ATP10A: variants seen among roughly 807,000 people sequenced by gnomAD.
ATP10A encodes phospholipid-transporting ATPase VA.
Under a neutral mutation model 147.8 loss-of-function variants are expected in ATP10A, and 111 were observed. That is an observed-to-expected ratio of 0.75 (90% CI 0.64 to 0.88). The LOEUF (loss-of-function observed/expected upper bound fraction) is 0.88. ATP10A is among the 40% of genes least tolerant of loss of function. The probability of loss-of-function intolerance (pLI) is 0.00; values close to 1 mark genes in which losing one functional copy is unlikely to be tolerated. For missense variants in ATP10A, 1,927 were observed against 1,959.0 expected (o/e 0.98, Z 0.31); for synonymous variants, 875 against 841.6 (o/e 1.04, Z -0.69).
chr15:25,690,400 C>G (rs556277811), intron 15 of ATP10A, among the ~76,000 whole-genome samples: 1 of 152,182 alleles, frequency 6.6e-6, no homozygotes, highest in African/African-American at 2.4e-5. Flanking sequence ...TGGGCCACCA[C>G]GCTGGGGTTT....
At chr15:25,792,034 C>T (rs765362683) in intron 1 of ATP10A, among the ~76,000 whole-genome samples, 1 of 152,094 alleles carries the variant, frequency 6.6e-6, no homozygotes, top group African/African-American at 2.4e-5. Context: ...GTCAAACCAA[C>T]TGATGTTCAT....
intron 1 of ATP10A, among the ~76,000 whole-genome samples, chr15:25,800,582 C>G (rs151233154): frequency 1.3e-3 from 201 of 152,288 alleles, no homozygotes; most frequent in Non-Finnish European, 2.2e-3. Context: ...CCACCGTGCA[C>G]CTTCCCGGAA....
intron 1 of ATP10A, chr15:25,862,130 C>T (rs2140930276): frequency 2.6e-6 from 1 of 378,850 alleles, no homozygotes; most frequent in South Asian, 1.9e-5. Flanking sequence ...ATTTCCCCTG[C>T]CCTGGTACCT....
chr15:25,766,780 T>C (rs2140648136), intron 2 of ATP10A, among the ~76,000 whole-genome samples: 1 of 151,550 alleles, frequency 6.6e-6, no homozygotes, highest in Admixed American at 6.6e-5. Context: ...CAAAACATCC[T>C]AGAACACAGC....
intron 17 of ATP10A, 55 bp downstream of exon 17, chr15:25,683,231 G>C (rs765796690): frequency 9.1e-6 from 14 of 1,543,286 alleles, no homozygotes; most frequent in Non-Finnish European, 1.2e-5. Flanking sequence ...TTGGAAGAGT[G>C]AACGTGGAGG....
At position 25,863,033 on chromosome 15, in the gene ATP10A, C is replaced by T. The variant is rs1457917190; in HGVS notation, c.64G>A (p.Gly22Ser). 5.6e-5 allele frequency: 71 copies of T among 1,277,648 alleles called. No homozygotes were observed. The highest frequency in any genetic ancestry group is 2.9e-4 in the Middle Eastern group (1 of 3,496). 79.1% of individuals were successfully genotyped at this position (1,277,648 alleles called of 1,614,324 possible). The change falls in exon 1 of 21, where the codon GGC becomes AGC. Residue 22 changes from glycine to serine, a missense_variant. By Grantham distance (56) the Gly-to-Ser change is moderately conservative. Transcript: ENST00000555815. ...TTGGAGCGCACCGTGCGCGTCCTGC[C>T]CTCTCGGCGCCTCCGCCGTCCCGGA... ...GPPGRRRRRE[G>S]RTRTVRSNLL...
chr15:25,829,482 G>A (rs958654376), intron 1 of ATP10A, among the ~76,000 whole-genome samples: 10 of 152,150 alleles, frequency 6.6e-5, no homozygotes, highest in African/African-American at 2.4e-4. Flanking sequence ...TCTTGAGCAG[G>A]AACCAAGCAT....
chr15:25,765,269 C>G (rs1015583414), intron 2 of ATP10A, among the ~76,000 whole-genome samples: 1 of 152,134 alleles, frequency 6.6e-6, no homozygotes, highest in East Asian at 1.9e-4. Context: ...ATTCTCCACT[C>G]CTCTATAGAA....
At chr15:25,724,192 G>A (rs117823012) in intron 5 of ATP10A, among the ~76,000 whole-genome samples, 171 bp from the exon 6 acceptor site, 51 of 152,232 alleles carry the variant, frequency 3.4e-4, no homozygotes, top group East Asian at 3.1e-3. Context: ...CAGCACCTTC[G>A]ATCCAACTTC....
At chr15:25,715,576 A>AG (rs560834589) in intron 9 of ATP10A, among the ~76,000 whole-genome samples, 54 of 152,356 alleles carry the variant, frequency 3.5e-4, no homozygotes, top group African/African-American at 1.1e-3. Context: ...CTGGGGGCAG[A>AG]GCCCAGAGGC....
chr15:25,743,041 G>A (rs1030659570), intron 2 of ATP10A, among the ~76,000 whole-genome samples: 3 of 152,184 alleles, frequency 2.0e-5, no homozygotes, highest in African/African-American at 7.2e-5. Context: ...AGCCTTGCTG[G>A]AGAAAAGGTG....
intron 2 of ATP10A, among the ~76,000 whole-genome samples, chr15:25,745,850 T>C (rs559257034): frequency 1.3e-5 from 2 of 152,306 alleles, no homozygotes; most frequent in South Asian, 4.1e-4. Flanking sequence ...ATGCATGTTG[T>C]AATCTCTCAT....
At chr15:25,736,179 C>T (rs1259432168) in intron 2 of ATP10A, 38 bp from the exon 3 acceptor site, 5 of 1,575,744 alleles carry the variant, frequency 3.2e-6, no homozygotes, top group Admixed American at 1.7e-5. Flanking sequence ...GAAATCCGGG[C>T]TCAGGCTGCG....
intron 3 of ATP10A, among the ~76,000 whole-genome samples, chr15:25,729,181 C>T (rs1315233831): frequency 1.3e-5 from 2 of 152,160 alleles, no homozygotes; most frequent in African/African-American, 4.8e-5. Flanking sequence ...TTAAAGAGAT[C>T]CTTAAGTTAA....
intron 14 of ATP10A, 73 bp downstream of exon 14, chr15:25,694,745 TG>T: frequency 7.7e-7 from 1 of 1,300,880 alleles, no homozygotes. Context: ...TCCCATCTCG[TG>T]GTGTAGCATG....
intron 1 of ATP10A, among the ~76,000 whole-genome samples, chr15:25,843,322 C>A (rs1160418222): frequency 6.6e-6 from 1 of 151,546 alleles, no homozygotes; most frequent in African/African-American, 2.4e-5. Flanking sequence ...AGGAGCACAG[C>A]TCCACATATG....
At chr15:25,808,707 C>T (rs1277655624) in intron 1 of ATP10A, among the ~76,000 whole-genome samples, 1 of 152,178 alleles carries the variant, frequency 6.6e-6, no homozygotes, top group Non-Finnish European at 1.5e-5. Flanking sequence ...TAAGTAACTA[C>T]TGATTCCCAA....
intron 2 of ATP10A, among the ~76,000 whole-genome samples, chr15:25,766,625 G>A (rs1045244501): frequency 1.3e-5 from 2 of 151,848 alleles, no homozygotes; most frequent in African/African-American, 4.8e-5. Context: ...GGCAGTTCTC[G>A]GTGACAAGAA....
At chr15:25,818,394 T>C (rs1390102172) in intron 1 of ATP10A, among the ~76,000 whole-genome samples, 1 of 152,124 alleles carries the variant, frequency 6.6e-6, no homozygotes, top group Non-Finnish European at 1.5e-5. Context: ...GGTAGTAAGT[T>C]CATATTAAAC....
Sources: allele counts gnomAD v4.1 joint callset (sites outside exome capture counted in the v4.1 genomes callset), GRCh38; gene constraint gnomAD v4.1.1; transcripts MANE v1.5; gene names NCBI Gene and HGNC (gene_info 2026-07-23, HGNC 2026-07-21).